APOL2: variants seen among roughly 807,000 people sequenced by gnomAD.
The protein encoded by APOL2 is apolipoprotein L, 2.
A neutral mutation model predicts 7.1 loss-of-function variants in APOL2; 8 were observed. The observed-to-expected ratio is 1.12, with a 90% CI of 0.66 to 2.03. The LOEUF (loss-of-function observed/expected upper bound fraction) is 2.03, where lower values mean the gene tolerates loss of function less well. Among genes scored for constraint, APOL2 ranks in the 30% most tolerant of loss-of-function variants. APOL2 has a pLI of 0.00. For missense variants in APOL2, 471 were observed against 415.1 expected, an observed-to-expected ratio of 1.13 and a Z score of -1.17; for synonymous variants, 177 against 159.9, an observed-to-expected ratio of 1.11 and a Z score of -0.81.
chr22:36,227,796 T>A lies in APOL2; in HGVS notation c.622A>T (p.Thr208Ser). ...ACTTGGTACCAATTGTCAACTAAGG[T>A]AAGAACATTGGGTGTGTTCCCACCC... ...FVGGNTPNVL[T>S]LVDNWYQVTQ... The change falls in exon 5 of 5, where the codon ACC becomes TCC. Residue 208 changes from threonine (T) to serine (S), a missense_variant. Physicochemically the swap from Thr to Ser is moderately conservative, Grantham distance 58 (BLOSUM62 1). Transcript: ENST00000358502. 6.2e-7 allele frequency: 1 copy of A among 1,614,200 alleles called. No individual in the cohort carries two copies. Among genetic ancestry groups the A allele is most frequent in the Non-Finnish European group, 8.5e-7 (1 of 1,180,030 alleles).
chr22:36,239,206 A>G (rs2015516625), intron 1 of APOL2: 2 of 1,298,550 alleles, frequency 1.5e-6, no homozygotes, highest in Non-Finnish European at 2.0e-6. Context: ...AGCTTTGTGA[A>G]CCCATCTAAG....
chr22:36,232,999 C>T (rs917279534), intron 3 of APOL2, among the ~76,000 whole-genome samples, 154 bp downstream of exon 3: 22 of 152,056 alleles, frequency 1.4e-4, no homozygotes, highest in African/African-American at 5.1e-4. Flanking sequence ...ACCCCTGGGT[C>T]GGGGGACTCC....
At chr22:36,233,874 A>C (rs1470501426) in intron 1 of APOL2, among the ~76,000 whole-genome samples, 1 of 152,138 alleles carries the variant, frequency 6.6e-6, no homozygotes, top group East Asian at 1.9e-4. Context: ...TCCTCATTGC[A>C]AATCCCTGTC....
upstream of APOL2, chr22:36,239,749 G>T: frequency 1.9e-6 from 1 of 529,048 alleles, no homozygotes; most frequent in East Asian, 3.2e-5. Context: ...ACATCCTCAG[G>T]ATTCAAGGTC....
intron 3 of APOL2, among the ~76,000 whole-genome samples, chr22:36,231,971 T>G (rs1325804983): frequency 6.6e-6 from 1 of 152,238 alleles, no homozygotes; most frequent in Non-Finnish European, 1.5e-5. Context: ...GATTTGTTTT[T>G]TCTTTGACTC....
chr22:36,236,596 C>G, intron 1 of APOL2: 1 of 985,398 alleles, frequency 1.0e-6, no homozygotes, highest in Non-Finnish European at 1.2e-6. Flanking sequence ...CTTTTCTCAC[C>G]TTGTGTCTCT....
intron 3 of APOL2, 105 bp downstream of exon 3, chr22:36,233,048 C>T: frequency 8.4e-7 from 1 of 1,197,550 alleles, no homozygotes; most frequent in Non-Finnish European, 1.2e-6. Context: ...ACTCATTGGC[C>T]TCCTAGTCCA....
chr22:36,233,035 CA>C (rs1569532710), intron 3 of APOL2, 117 bp downstream of exon 3: 4 of 1,052,798 alleles, frequency 3.8e-6, no homozygotes, highest in Non-Finnish European at 5.9e-6. Flanking sequence ...CTGCTCGGGG[CA>C]GACTCATTGG....
In APOL2 at chr22:36,228,027, T is replaced by A. The variant is rs201782732; in HGVS notation, c.391A>T (p.Thr131Ser). Residue 131 changes from threonine to serine, a missense_variant, in exon 5 of 5, where the codon ACC becomes TCC. Transcript: ENST00000358502. Reference protein sequence around the residue: ...NSVGTTSGILTLLGLGLAPFT... With the variant: ...NSVGTTSGILSLLGLGLAPFT... Reference sequence around the variant, plus strand: ...GGTGCCAGACCCAGGCCGAGGAGGGTCAGGATGCCAGAGGTAGTGCCAACA... The same window carrying A: ...GGTGCCAGACCCAGGCCGAGGAGGGACAGGATGCCAGAGGTAGTGCCAACA... 923 of 1,614,078 alleles carry A rather than the reference T, an allele frequency of 5.7e-4. 3 individuals are homozygous for A. Among genetic ancestry groups the A allele is most frequent in the South Asian group, 9.6e-4 (87 of 91,082 alleles).
rs767197230 is a variant in APOL2, at chr22:36,239,504, C to T, written c.-197G>A. On this transcript the variant is annotated 5_prime_UTR_variant, in exon 1 of 5. The change creates a new upstream start codon in the 5' untranslated region. Transcript: ENST00000358502. The stretch of plus-strand genomic sequence containing the variant: ...ACTGTTCTGAGCTGTGTGGATCCCA[C>T]GTCCAGCTGTGCATCTGTGTAATAA... 2.6e-5 allele frequency: 41 copies of T among 1,585,892 alleles called. No individual in the cohort carries two copies. The highest frequency in any genetic ancestry group is 1.6e-4 in the Middle Eastern group (1 of 6,064).
intron 1 of APOL2, among the ~76,000 whole-genome samples, chr22:36,234,549 T>C (rs752679883): frequency 3.2e-4 from 48 of 152,226 alleles, no homozygotes; most frequent in Non-Finnish European, 5.0e-4. Context: ...CTCCTGATTA[T>C]CTTACCCTGG....
At chr22:36,235,024 G>A (rs1277420717) in intron 1 of APOL2, among the ~76,000 whole-genome samples, 1 of 152,224 alleles carries the variant, frequency 6.6e-6, no homozygotes, top group African/African-American at 2.4e-5. Context: ...AGAACTGGCT[G>A]AAGAAATGAC....
In APOL2 at chr22:36,236,800, C is replaced by T. The variant is rs898604923; in HGVS notation, c.-134+2641G>A. ...TCCAGATATCTGTCTTCTGGGGCCC[C>T]TACGCAGCAAGACTAAAAGGGGGAC... On this transcript the variant is annotated intron_variant, in intron 1 of 4. Transcript: ENST00000358502. 13 of 1,116,764 alleles carry T rather than the reference C, an allele frequency of 1.2e-5. No individual in the cohort carries two copies. In the South Asian group the frequency reaches 4.0e-4, roughly 34 times the overall value. 69.2% of individuals were successfully genotyped at this position (1,116,764 alleles called of 1,614,324 possible). A position where few individuals can be genotyped will look rare whatever the true frequency, so the allele number is the denominator to read the frequency against.
upstream of APOL2, chr22:36,239,807 C>T (rs1603481301): frequency 4.8e-6 from 2 of 413,556 alleles, no homozygotes; most frequent in Middle Eastern, 6.5e-4. Flanking sequence ...CAGAGTTGAG[C>T]CTGGGGAGTT....
In APOL2 at chr22:36,227,355, C is replaced by T; in HGVS notation, c.*49G>A. On this transcript the variant is annotated 3_prime_UTR_variant, in exon 5 of 5. Coordinates refer to ENST00000358502, the MANE Select transcript of APOL2 (RefSeq NM_030882.4). Reference sequence around the variant, plus strand: ...AAAAAAAAAAAAGTCTGCATTTTGTCCTGGCCTGTGCCCGGCATTTCTGCC... The same window carrying T: ...AAAAAAAAAAAAGTCTGCATTTTGTTCTGGCCTGTGCCCGGCATTTCTGCC... 2.8e-6 allele frequency: 4 copies of T among 1,411,050 alleles called. No individual in the cohort carries two copies. The highest frequency in any genetic ancestry group is 2.9e-6 in the Non-Finnish European group (3 of 1,039,078). The allele number at this position is 1,411,050 out of a possible 1,614,324, so 87.4% of individuals were successfully genotyped here.
intron 1 of APOL2, chr22:36,237,047 C>T: frequency 6.8e-7 from 1 of 1,477,186 alleles, no homozygotes. Context: ...GCAGACAGAG[C>T]TGGGGCCTCG....
Position 36,231,399 on chromosome 22 carries a change from T to C in APOL2, c.78A>G (p.Leu26=), listed in dbSNP as rs1331489825. The C allele has an allele frequency of 3.1e-6, 5 of 1,614,080 alleles. No individual in the cohort carries two copies. The East Asian group carries it at 8.9e-5, about 29-fold the overall frequency. Residue 26 remains leucine, a synonymous_variant, in exon 4 of 5, where the codon CTA becomes CTG. Coordinates refer to ENST00000358502, the MANE Select transcript of APOL2 (RefSeq NM_030882.4). ...AGGCTTCATCATCAGTCAGCAGTTG[T>C]AGCAGATTCTCTCTGCTCACTTGGT... ...FQDQVSRENL[L]QLLTDDEAWN... is the part of the protein sequence containing the mutation.
chr22:36,227,808 G>T lies in APOL2; in HGVS notation c.610C>A (p.Pro204Thr). 1 of 1,614,192 alleles carries T rather than the reference G, an allele frequency of 6.2e-7. No homozygotes were observed. The change falls in exon 5 of 5, where the codon CCC (proline) becomes ACC (threonine). Residue 204 changes from proline to threonine, a missense_variant. Coordinates refer to ENST00000358502, the MANE Select transcript of APOL2 (RefSeq NM_030882.4). Reference sequence around the variant, plus strand: ...TTGTCAACTAAGGTAAGAACATTGGGTGTGTTCCCACCCACAAACTCCTTC... The same window carrying T: ...TTGTCAACTAAGGTAAGAACATTGGTTGTGTTCCCACCCACAAACTCCTTC... ...VMKEFVGGNT[P>T]NVLTLVDNWY...
intron 1 of APOL2, chr22:36,236,924 C>T (rs2015422915): frequency 3.1e-6 from 4 of 1,309,198 alleles, no homozygotes; most frequent in Non-Finnish European, 1.9e-6. Flanking sequence ...CTTCCCTTCC[C>T]CTTCTTCCTG....
Sources: allele counts gnomAD v4.1 joint callset (sites outside exome capture counted in the v4.1 genomes callset), GRCh38; gene constraint gnomAD v4.1.1; transcripts MANE v1.5; gene names NCBI Gene and HGNC (gene_info 2026-07-23, HGNC 2026-07-21).